The following ZFPM2 variants were observed in gnomAD, a reference collection of about 807,000 sequenced individuals.
The protein encoded by ZFPM2 is zinc finger protein ZFPM2.
A neutral mutation model predicts 98.6 loss-of-function variants in ZFPM2; 20 were observed. The ratio of observed to expected loss-of-function variants is 0.20; its 90% CI spans 0.14 to 0.29. The LOEUF (loss-of-function observed/expected upper bound fraction) is 0.29. Among genes scored for constraint, ZFPM2 ranks in the 10% least tolerant of loss-of-function variants. The pLI is 1.00. For synonymous variants in ZFPM2, 518 were observed against 502.7 expected (o/e 1.03, Z -0.41); for missense variants, 1,310 against 1,388.6 (o/e 0.94, Z 0.90).
At chr8:105,322,653 A>G (rs1416102014) in intron 1 of ZFPM2, among the ~76,000 whole-genome samples, 2 of 152,160 alleles carry the variant, frequency 1.3e-5, no homozygotes, top group Non-Finnish European at 2.9e-5. Flanking sequence ...TGTTTGGTCT[A>G]GATCAGGTGC....
intron 4 of ZFPM2, among the ~76,000 whole-genome samples, chr8:105,598,467 G>C (rs1468244025): frequency 6.6e-6 from 1 of 152,020 alleles, no homozygotes; most frequent in East Asian, 1.9e-4. Context: ...TCTTAGCTTT[G>C]CTTCATCAAA....
At chr8:105,745,818 G>C (rs1365013670) in intron 5 of ZFPM2, among the ~76,000 whole-genome samples, 4 of 152,002 alleles carry the variant, frequency 2.6e-5, no homozygotes, top group Admixed American at 2.6e-4. Flanking sequence ...GGAGTGCAGC[G>C]GTGCAATCTT....
Position 105,566,910 on chromosome 8 carries a change from T to A in ZFPM2, c.420+5429T>A, listed in dbSNP as rs569030669. Reference sequence around the variant, plus strand: ...CCCACAGGGTATTTGTGATACTGAATTTTTTTTAAAAAAATGAAATATACA... The same window carrying A: ...CCCACAGGGTATTTGTGATACTGAAATTTTTTTAAAAAAATGAAATATACA... On this transcript the variant is annotated intron_variant, in intron 4 of 7. Coordinates refer to ENST00000407775, the MANE Select transcript of ZFPM2 (RefSeq NM_012082.4). Among the ~76,000 whole-genome samples the A allele has an allele frequency of 5.3e-5, 8 of 152,088 alleles. No individual in the cohort carries two copies. In the East Asian group the frequency reaches 1.5e-3, roughly 29 times the overall value.
chr8:105,475,106 C>A (rs1404636830), intron 3 of ZFPM2, among the ~76,000 whole-genome samples: 1 of 152,166 alleles, frequency 6.6e-6, no homozygotes, highest in East Asian at 1.9e-4. Flanking sequence ...AGAGAGTTTA[C>A]AGTTGGTAAC....
intron 6 of ZFPM2, among the ~76,000 whole-genome samples, chr8:105,790,384 T>A (rs1178518697): frequency 3.3e-5 from 5 of 152,208 alleles, no homozygotes; most frequent in Admixed American, 3.3e-4. Flanking sequence ...TTGTCAAAGA[T>A]CAGATAGATA....
At chr8:105,702,904 G>C (rs1346084185) in intron 5 of ZFPM2, among the ~76,000 whole-genome samples, 2 of 152,128 alleles carry the variant, frequency 1.3e-5, no homozygotes, top group East Asian at 3.9e-4. Context: ...GGAAGGTTAG[G>C]ACAGGCAGGA....
chr8:105,553,480 G>A (rs546623689), intron 3 of ZFPM2, among the ~76,000 whole-genome samples: 1 of 152,174 alleles, frequency 6.6e-6, no homozygotes, highest in African/African-American at 2.4e-5. Context: ...CCATTCCAGT[G>A]TGTTGTGTTA....
At chr8:105,475,784 G>T (rs111804113) in intron 3 of ZFPM2, among the ~76,000 whole-genome samples, 97 of 152,266 alleles carry the variant, frequency 6.4e-4, no homozygotes, top group African/African-American at 2.2e-3. Flanking sequence ...TTGATATAGA[G>T]AAATGTTTCT....
chr8:105,470,032 A>T (rs1299382382), intron 3 of ZFPM2, among the ~76,000 whole-genome samples: 1 of 152,224 alleles, frequency 6.6e-6, no homozygotes, highest in Admixed American at 6.5e-5. Context: ...CATGTAAGGC[A>T]GCATGCTACC....
At chr8:105,534,396 TCCTA>T (rs1167225287) in intron 3 of ZFPM2, among the ~76,000 whole-genome samples, 1 of 145,176 alleles carries the variant, frequency 6.9e-6, no homozygotes, top group East Asian at 2.1e-4. Flanking sequence ...CTTCCTCCCT[TCCTA>T]CCTTTCCTTC....
At chr8:105,570,551 T>C (rs1468384322) in intron 4 of ZFPM2, among the ~76,000 whole-genome samples, 1 of 152,208 alleles carries the variant, frequency 6.6e-6, no homozygotes, top group Non-Finnish European at 1.5e-5. Flanking sequence ...TGGCAGTGGA[T>C]GAAAATACAT....
chr8:105,331,155 T>C (rs1263535353), intron 1 of ZFPM2, among the ~76,000 whole-genome samples: 1 of 132,600 alleles, frequency 7.5e-6, no homozygotes, highest in East Asian at 2.1e-4. Context: ...TTATATTTTA[T>C]ATATATATAT....
chr8:105,537,051 C>T (rs1255120063), intron 3 of ZFPM2, among the ~76,000 whole-genome samples: 1 of 152,114 alleles, frequency 6.6e-6, no homozygotes, highest in East Asian at 1.9e-4. Flanking sequence ...TAAATTGGAT[C>T]CCATAATCAT....
chr8:105,789,016 C>T lies in ZFPM2; in HGVS notation c.739+92C>T, dbSNP rs1586267863. ...TACTGACAAGAAACCAGGAACAGAC[C>T]TTTTTCCTTCAGTGTTGTGGTTTCA... On this transcript the variant is annotated intron_variant, in intron 6 of 7. Coordinates refer to ENST00000407775, the MANE Select transcript of ZFPM2 (RefSeq NM_012082.4). 3.0e-6 allele frequency: 3 copies of T among 1,013,300 alleles called. No homozygotes were observed. The East Asian group carries it at 8.0e-5, about 27-fold the overall frequency. The allele number at this position is 1,013,300 out of a possible 1,614,324, so 62.8% of individuals were successfully genotyped here.
At chr8:105,402,738 C>T (rs1811366065) in intron 1 of ZFPM2, among the ~76,000 whole-genome samples, 1 of 151,962 alleles carries the variant, frequency 6.6e-6, no homozygotes, top group Non-Finnish European at 1.5e-5. Context: ...ATCCTTTTAT[C>T]TTTAGCTAGT....
At chr8:105,601,342 G>T (rs1304176760) in intron 4 of ZFPM2, among the ~76,000 whole-genome samples, 1 of 152,112 alleles carries the variant, frequency 6.6e-6, no homozygotes, top group South Asian at 2.1e-4. Context: ...GCCTGGGAAA[G>T]TCTGTAAGGG....
intron 5 of ZFPM2, among the ~76,000 whole-genome samples, chr8:105,778,920 G>GTCTT (rs1206738407): frequency 7.5e-6 from 1 of 133,670 alleles, no homozygotes; most frequent in Non-Finnish European, 1.6e-5. Context: ...TTACGCATAC[G>GTCTT]TCTTTTTTCT....
At chr8:105,387,473 C>G (rs1008560534) in intron 1 of ZFPM2, 1 of 153,440 alleles carries the variant, frequency 6.5e-6, no homozygotes, top group Non-Finnish European at 1.4e-5. Flanking sequence ...AGCCCTGCCC[C>G]GCCGGGAGGC....
At chr8:105,771,453 A>G (rs1435707217) in intron 5 of ZFPM2, among the ~76,000 whole-genome samples, 1 of 152,152 alleles carries the variant, frequency 6.6e-6, no homozygotes, top group Non-Finnish European at 1.5e-5. Flanking sequence ...GATGAAGACA[A>G]TATATCTTTG....
Sources: allele counts gnomAD v4.1 joint callset (sites outside exome capture counted in the v4.1 genomes callset), GRCh38; gene constraint gnomAD v4.1.1; transcripts MANE v1.5; gene names NCBI Gene and HGNC (gene_info 2026-07-23, HGNC 2026-07-21).